The following FBXL2 variants were observed in gnomAD, a reference collection of about 807,000 sequenced individuals.
FBXL2 encodes the protein F-box/LRR-repeat protein 2.
In FBXL2, 38 loss-of-function variants were observed where a neutral mutation model predicts 69.2. The ratio of observed to expected loss-of-function variants is 0.55; its 90% CI spans 0.42 to 0.72. FBXL2 has a LOEUF of 0.72. Ranked by LOEUF, FBXL2 falls within the 30% of genes least tolerant of loss-of-function variation. FBXL2 has a pLI of 0.00. For synonymous variants in FBXL2, 192 were observed against 201.3 expected (o/e 0.95, Z 0.39); for missense variants, 354 against 520.3 (o/e 0.68, Z 3.11).
chr3:33,391,557 T>C (rs1403363799), downstream of FBXL2: 1 of 152,200 alleles, frequency 6.6e-6, no homozygotes. Context: ...CATTTCTACA[T>C]ATCCAAAATC....
At chr3:33,389,197 T>C (rs930910757), downstream of FBXL2, 4 of 152,644 alleles carry the variant, frequency 2.6e-5, no homozygotes, top group Non-Finnish European at 5.9e-5. Flanking sequence ...GAAGCTAGTA[T>C]GTGGTGTATA....
At chr3:33,372,350 C>T (rs1344076021) in intron 5 of FBXL2, 1 of 152,462 alleles carries the variant, frequency 6.6e-6, no homozygotes, top group Non-Finnish European at 1.5e-5. Flanking sequence ...GAATTTCAGC[C>T]CCATTTCTTC....
intron 5 of FBXL2, among the ~76,000 whole-genome samples, chr3:33,366,156 C>G (rs1050879143): frequency 6.6e-6 from 1 of 152,084 alleles, no homozygotes; most frequent in Admixed American, 6.5e-5. Context: ...GTTTAAACAA[C>G]CCTCCATCAC....
chr3:33,364,059 T>C (rs1263895737), intron 4 of FBXL2, among the ~76,000 whole-genome samples: 1 of 152,248 alleles, frequency 6.6e-6, no homozygotes, highest in Non-Finnish European at 1.5e-5. Flanking sequence ...TTGTTCATTT[T>C]CTTTTTGCTT....
intron 2 of FBXL2, among the ~76,000 whole-genome samples, chr3:33,357,104 A>G (rs1268150613): frequency 6.6e-6 from 1 of 152,238 alleles, no homozygotes; most frequent in Non-Finnish European, 1.5e-5. Flanking sequence ...ATAGCAGTGA[A>G]CTAGCATATA....
chr3:33,342,443 A>G (rs2040103583), intron 2 of FBXL2, among the ~76,000 whole-genome samples: 1 of 151,462 alleles, frequency 6.6e-6, no homozygotes, highest in Non-Finnish European at 1.5e-5. Flanking sequence ...TACTTTTTTC[A>G]CTCTCATAAG....
At position 33,385,829 on chromosome 3, in the gene FBXL2, G is replaced by C. The variant is rs2043394654; in HGVS notation, c.*221G>C. On this transcript the variant is annotated 3_prime_UTR_variant, in exon 15 of 15. Coordinates refer to ENST00000484457, the MANE Select transcript of FBXL2 (RefSeq NM_012157.5). ...CAAAGCCTTGTGTCAGTTAACACAT[G>C]ACAAGTGGTCTCAATGCAGCTAGGA... The C allele has an allele frequency of 1.8e-6, 1 of 562,710 alleles. No homozygotes were observed. Among genetic ancestry groups the C allele is most frequent in the African/African-American group, 1.9e-5 (1 of 53,004 alleles). 34.9% of individuals were successfully genotyped at this position (562,710 alleles called of 1,614,324 possible).
intron 2 of FBXL2, among the ~76,000 whole-genome samples, chr3:33,309,898 C>T (rs1053674477): frequency 2.6e-5 from 4 of 152,044 alleles, no homozygotes; most frequent in Admixed American, 1.3e-4. Context: ...TAGTGGCTCA[C>T]GCCTGTAATC....
intron 2 of FBXL2, among the ~76,000 whole-genome samples, chr3:33,337,070 C>T (rs574113468): frequency 1.7e-4 from 25 of 146,122 alleles, no homozygotes; most frequent in African/African-American, 3.8e-4. Flanking sequence ...CTGGACGTGG[C>T]GGCGTGTGCC....
chr3:33,288,233 T>C (rs1327130023), intron 1 of FBXL2, among the ~76,000 whole-genome samples: 1 of 152,242 alleles, frequency 6.6e-6, no homozygotes, highest in Non-Finnish European at 1.5e-5. Context: ...CCTCTACAGC[T>C]GCGTCTTTCC....
At chr3:33,382,369 C>A (rs1159908495) in intron 13 of FBXL2, among the ~76,000 whole-genome samples, 1 of 152,144 alleles carries the variant, frequency 6.6e-6, no homozygotes, top group Non-Finnish European at 1.5e-5. Context: ...ATCATGACCC[C>A]GGAAAGGCCC....
At chr3:33,416,944 G>T in the FBXL2 span, 1 of 930,062 alleles carries the variant, frequency 1.1e-6, no homozygotes, top group Admixed American at 2.5e-5. Context: ...ATGATAGTTT[G>T]TTAATTTGCT....
intron 1 of FBXL2, among the ~76,000 whole-genome samples, chr3:33,293,961 A>G (rs1253639322): frequency 6.6e-6 from 1 of 152,248 alleles, no homozygotes; most frequent in East Asian, 1.9e-4. Flanking sequence ...CAGGACAGAC[A>G]TATGTAAGAC....
intron 2 of FBXL2, among the ~76,000 whole-genome samples, chr3:33,356,146 A>G (rs981104974): frequency 6.6e-6 from 1 of 152,212 alleles, no homozygotes; most frequent in Non-Finnish European, 1.5e-5. Flanking sequence ...TGAGTGAAGC[A>G]TGAGTCCAGT....
chr3:33,352,893 T>TCAAAACAAAACAAAA (rs61461877), intron 2 of FBXL2, among the ~76,000 whole-genome samples: 2,517 of 149,528 alleles, frequency 0.017, 16 homozygotes, highest in East Asian at 0.04. Flanking sequence ...AGACTCTGTC[T>TCAAAACAAAACAAAA]CAAAACAAAA....
chr3:33,407,503 A>G (rs911642531), downstream of FBXL2, among the ~76,000 whole-genome samples: 3 of 152,018 alleles, frequency 2.0e-5, no homozygotes, highest in South Asian at 4.1e-4. Context: ...GTGTTTTAGG[A>G]AAGAATATAC....
intron 13 of FBXL2, chr3:33,382,981 G>GCACA (rs2043163204): frequency 1.3e-5 from 2 of 152,150 alleles, no homozygotes; most frequent in Non-Finnish European, 2.9e-5. Context: ...CCTGGGCCTT[G>GCACA]CACACAACAA....
chr3:33,330,206 C>T (rs74363089), intron 2 of FBXL2, among the ~76,000 whole-genome samples: 10,571 of 151,128 alleles, frequency 0.07, 483 homozygotes, highest in East Asian at 0.095. Flanking sequence ...TCTCTTGGGC[C>T]GCAGAGGTTG....
At position 33,363,982 on chromosome 3, in the gene FBXL2, T is replaced by C. The variant is rs758780320; in HGVS notation, c.196-643T>C. On this transcript the variant is annotated intron_variant, in intron 4 of 14. Coordinates refer to ENST00000484457, the MANE Select transcript of FBXL2 (RefSeq NM_012157.5). ...GACCCCCCAACACCAACCCTGTCTC[T>C]AAAGAAAAAAAGTGATTTGAAATAG... 3.0e-4 allele frequency among the ~76,000 whole-genome samples: 46 copies of C among 152,068 alleles called. 1 individual carries two copies. The highest frequency in any genetic ancestry group is 8.8e-5 in the Non-Finnish European group (6 of 67,992).
Sources: gnomAD v4.1 joint callset for allele counts (sites outside exome capture counted in the v4.1 genomes callset) on GRCh38, gnomAD v4.1.1 for gene constraint, MANE v1.5 for transcripts, NCBI Gene and HGNC (gene_info 2026-07-23, HGNC 2026-07-21) for gene names.